Variants in FNIP2 observed in about 807,000 individuals in gnomAD.
FNIP2 encodes the protein folliculin interacting protein 2, also known as folliculin-interacting protein 2.
In FNIP2, 32 loss-of-function variants were observed where a neutral mutation model predicts 108.7. The ratio of observed to expected loss-of-function variants is 0.29; its 90% CI spans 0.22 to 0.40. FNIP2 has a LOEUF of 0.40. FNIP2 is among the 10% of genes least tolerant of loss of function. The pLI, the probability that FNIP2 is intolerant of heterozygous loss-of-function variation, is 1.00. For missense variants in FNIP2, 1,202 were observed against 1,381.6 expected (o/e 0.87, Z 2.06); for synonymous variants, 480 against 496.7 (o/e 0.97, Z 0.45).
In FNIP2 at chr4:158,906,924, GC is replaced by G. The variant is rs1729890078; in HGVS notation, c.*2383del. 1 of 152,124 alleles carries G rather than the reference GC, an allele frequency of 6.6e-6. No individual in the cohort carries two copies. Among genetic ancestry groups the G allele is most frequent in the African/African-American group, 2.4e-5 (1 of 41,426 alleles). 9.4% of individuals were successfully genotyped at this position (152,124 alleles called of 1,614,324 possible). On this transcript the variant is annotated 3_prime_UTR_variant, in exon 17 of 17. Transcript: ENST00000264433. ...AGAAAGGGACCCCACTTGCTCCCAT[GC>G]CCACCTCAAGAAAAAACATAAAACA...
intron 1 of FNIP2, among the ~76,000 whole-genome samples, chr4:158,807,990 G>A (rs1241015354): frequency 1.3e-5 from 2 of 152,192 alleles, no homozygotes; most frequent in Non-Finnish European, 2.9e-5. Flanking sequence ...ATAGGAGAGA[G>A]TAACGGAGTG....
At chr4:158,838,632 A>C (rs1778946856) in intron 7 of FNIP2, among the ~76,000 whole-genome samples, 1 of 152,248 alleles carries the variant, frequency 6.6e-6, no homozygotes. Context: ...AGAAGGTAGT[A>C]CAAGAGTTCC....
intron 7 of FNIP2, among the ~76,000 whole-genome samples, chr4:158,847,333 A>G (rs1036946445): frequency 6.6e-6 from 1 of 152,116 alleles, no homozygotes; most frequent in Non-Finnish European, 1.5e-5. Context: ...TCGTAGCTCC[A>G]GGAGAGACTC....
chr4:158,833,542 T>G lies in FNIP2; in HGVS notation c.569T>G (p.Phe190Cys), dbSNP rs765724696. The G allele has an allele frequency of 3.7e-6, 6 of 1,603,934 alleles. No individual in the cohort carries two copies. Among genetic ancestry groups the G allele is most frequent in the Middle Eastern group, 1.7e-4 (1 of 6,016 alleles). ...TCCGGATATAGCTTGCAAGACAGCTTTGAGTACATCAACCAAGATCCTAAT... is the reference window on the plus strand; with the variant it reads ...TCCGGATATAGCTTGCAAGACAGCTGTGAGTACATCAACCAAGATCCTAAT... ...CGSTNNLQDS[F>C]EYINQDPNLG... Residue 190 changes from phenylalanine to cysteine, a missense_variant, in exon 6 of 17, where the codon TTT (phenylalanine) becomes TGT (cysteine). Transcript: ENST00000264433.
chr4:158,884,603 G>A (rs1207940406), intron 14 of FNIP2, among the ~76,000 whole-genome samples: 3 of 152,122 alleles, frequency 2.0e-5, no homozygotes, highest in Admixed American at 6.5e-5. Context: ...TGAGGTAAGA[G>A]CAGGAATCTT....
At chr4:158,806,105 A>G (rs775735273) in intron 1 of FNIP2, 17 of 1,087,058 alleles carry the variant, frequency 1.6e-5, no homozygotes, top group Non-Finnish European at 1.9e-5. Context: ...CTTTTCTCAC[A>G]TACTGTATAG....
intron 15 of FNIP2, among the ~76,000 whole-genome samples, chr4:158,894,904 C>G (rs1384795420): frequency 1.3e-5 from 2 of 152,102 alleles, no homozygotes; most frequent in Admixed American, 6.5e-5. Context: ...TGGTCAAGAT[C>G]AACATTTTCA....
At chr4:158,820,183 A>AC (rs1560775950) in intron 1 of FNIP2, among the ~76,000 whole-genome samples, 1 of 152,202 alleles carries the variant, frequency 6.6e-6, no homozygotes, top group Admixed American at 6.5e-5. Context: ...TTCTTGGATC[A>AC]CAAGACTGTT....
intron 14 of FNIP2, among the ~76,000 whole-genome samples, chr4:158,876,718 C>T (rs1781302185): frequency 6.6e-6 from 1 of 152,162 alleles, no homozygotes; most frequent in African/African-American, 2.4e-5. Flanking sequence ...AGAAAGTGCT[C>T]ACTAACGTTA....
chr4:158,863,522 T>G (rs1445366477), intron 12 of FNIP2, among the ~76,000 whole-genome samples: 1 of 152,192 alleles, frequency 6.6e-6, no homozygotes, highest in Non-Finnish European at 1.5e-5. Context: ...GATGCCACTT[T>G]CACGGGTTTG....
chr4:158,892,345 G>A (rs1782332891), intron 15 of FNIP2, among the ~76,000 whole-genome samples: 1 of 151,950 alleles, frequency 6.6e-6, no homozygotes, highest in Non-Finnish European at 1.5e-5. Context: ...ATGTTGCTCA[G>A]TCTGGTCTCG....
At chr4:158,859,405 G>A (rs552951012) in intron 9 of FNIP2, 147 bp downstream of exon 9, 2 of 1,083,032 alleles carry the variant, frequency 1.8e-6, no homozygotes, top group African/African-American at 3.2e-5. Flanking sequence ...GTTGATGTTA[G>A]TTACCAGATA....
chr4:158,828,435 G>A (rs1346001915), intron 2 of FNIP2, among the ~76,000 whole-genome samples: 2 of 152,170 alleles, frequency 1.3e-5, no homozygotes, highest in African/African-American at 4.8e-5. Context: ...TCAACATGGT[G>A]AAACCCCATC....
chr4:158,774,233 C>T (rs1775788193), intron 1 of FNIP2, among the ~76,000 whole-genome samples: 1 of 152,104 alleles, frequency 6.6e-6, no homozygotes, highest in Non-Finnish European at 1.5e-5. Context: ...CACTCTACAC[C>T]AACATATTAT....
At chr4:158,815,507 C>T (rs1381679763) in intron 1 of FNIP2, among the ~76,000 whole-genome samples, 6 of 151,984 alleles carry the variant, frequency 3.9e-5, no homozygotes, top group African/African-American at 1.5e-4. Flanking sequence ...CTCAGCCTCC[C>T]GAGTAGCTGG....
chr4:158,858,575 A>C (rs1409805599), intron 8 of FNIP2, among the ~76,000 whole-genome samples: 4 of 152,204 alleles, frequency 2.6e-5, no homozygotes, highest in Non-Finnish European at 5.9e-5. Flanking sequence ...TAATCTGAGC[A>C]TTTAGAAGAG....
At chr4:158,808,273 A>G (rs1309640964) in intron 1 of FNIP2, among the ~76,000 whole-genome samples, 1 of 152,240 alleles carries the variant, frequency 6.6e-6, no homozygotes, top group African/African-American at 2.4e-5. Context: ...TAAGGACATA[A>G]TATGCAGGGC....
intron 10 of FNIP2, among the ~76,000 whole-genome samples, chr4:158,860,714 T>G (rs548337523): frequency 6.8e-6 from 1 of 147,242 alleles, no homozygotes; most frequent in Admixed American, 7.0e-5. Context: ...TGGAGTGCAG[T>G]GGTGCGATCT....
intron 1 of FNIP2, among the ~76,000 whole-genome samples, chr4:158,809,449 A>G (rs1777151355): frequency 6.6e-6 from 1 of 152,148 alleles, no homozygotes. Context: ...ACACAGCAAG[A>G]CTCCATCTCA....
Sources: allele counts gnomAD v4.1 joint callset (sites outside exome capture counted in the v4.1 genomes callset), GRCh38; gene constraint gnomAD v4.1.1; transcripts MANE v1.5; gene names NCBI Gene and HGNC (gene_info 2026-07-23, HGNC 2026-07-21).